Variants in KLF7 observed in about 807,000 individuals in gnomAD.
KLF7 encodes Krueppel-like factor 7.
KLF7 carries 2 observed loss-of-function variants against 27.3 expected under a neutral mutation model. The observed-to-expected ratio is 0.07, with a 90% CI of 0.03 to 0.23. The LOEUF is 0.23. Ranked by LOEUF, KLF7 falls within the 10% of genes least tolerant of loss-of-function variation. The probability of loss-of-function intolerance (pLI) is 1.00; values close to 1 mark genes in which losing one functional copy is unlikely to be tolerated. For missense variants in KLF7, 221 were observed against 394.1 expected (o/e 0.56, Z 3.72); for synonymous variants, 165 against 162.4 (o/e 1.02, Z -0.12).
rs1559161745 is a variant in KLF7 at position 207,148,441 on chromosome 2, G to GCAAGCTTTT, written c.102+17025_102+17026insAAAAGCTTG. Among the ~76,000 whole-genome samples the GCAAGCTTTT allele has an allele frequency of 9.1e-4, 138 of 152,198 alleles. 1 individual carries two copies. Among genetic ancestry groups the GCAAGCTTTT allele is most frequent in the African/African-American group, 3.2e-3 (131 of 41,512 alleles). ...GCCACCATGCGGTACTGCTTCCCAT[G>GCAAGCTTTT]GTCATTCTACATGCAAGCTTTTGCT... On this transcript the variant is annotated intron_variant, in intron 1 of 3. Coordinates refer to ENST00000309446, the MANE Select transcript of KLF7 (RefSeq NM_003709.4).
At chr2:207,157,219 T>TAAAAAAAAA (rs5838052) in intron 1 of KLF7, among the ~76,000 whole-genome samples, 3 of 87,310 alleles carry the variant, frequency 3.4e-5, no homozygotes, top group South Asian at 4.1e-4. Context: ...AACAGAAAAG[T>TAAAAAAAAA]AAAAAAAAAA....
intron 1 of KLF7, among the ~76,000 whole-genome samples, chr2:207,142,293 C>T (rs772626612): frequency 4.6e-5 from 7 of 152,190 alleles, no homozygotes; most frequent in Non-Finnish European, 1.0e-4. Context: ...GGAGAAAAAG[C>T]TCTGCTAAGA....
chr2:207,172,356 C>T, the KLF7 span, among the ~76,000 whole-genome samples: 52 of 152,270 alleles, frequency 3.4e-4, no homozygotes, highest in East Asian at 9.4e-3. Context: ...CACTTCAACA[C>T]GACTGTTCAT....
chr2:207,082,987 C>A (rs551556517), intron 3 of KLF7, among the ~76,000 whole-genome samples: 16 of 152,242 alleles, frequency 1.1e-4, no homozygotes, highest in African/African-American at 3.6e-4. Flanking sequence ...CATAAAAATG[C>A]GAAAAGTACA....
rs1015691241 is a variant in KLF7, at chr2:207,085,164, G to GAAA, written c.857+3291_857+3293dup. 8.1e-3 allele frequency among the ~76,000 whole-genome samples: 187 copies of GAAA among 23,000 alleles called. 34 individuals carry two copies. Among genetic ancestry groups the GAAA allele is most frequent in the Non-Finnish European group, 0.012 (153 of 13,088 alleles). 15.1% of individuals were successfully genotyped at this position (23,000 alleles called of 152,430 possible). On this transcript the variant is annotated intron_variant, in intron 3 of 3. Transcript: ENST00000309446. ...GCAACAAAGCCAGACTGTCTCAAAT[G>GAAA]AAAAAAAAAAAAAAAAAAAAAAAAA... is the stretch of plus-strand genomic sequence containing the variant.
At chr2:207,129,323 T>C (rs1005779429) in intron 1 of KLF7, among the ~76,000 whole-genome samples, 4 of 152,214 alleles carry the variant, frequency 2.6e-5, no homozygotes, top group African/African-American at 4.8e-5. Context: ...GGTACAAGGC[T>C]TCCCTCAGCC....
chr2:207,103,734 T>TC (rs1375601795), intron 2 of KLF7, among the ~76,000 whole-genome samples: 2 of 152,174 alleles, frequency 1.3e-5, no homozygotes, highest in African/African-American at 4.8e-5. Flanking sequence ...TCTTTAAGTC[T>TC]CACTTTCCTC....
At chr2:207,098,309 G>A (rs1450512583) in intron 2 of KLF7, among the ~76,000 whole-genome samples, 2 of 151,904 alleles carry the variant, frequency 1.3e-5, no homozygotes, top group South Asian at 4.2e-4. Context: ...TTAAAAGCTA[G>A]GTATATACTA....
intron 1 of KLF7, among the ~76,000 whole-genome samples, chr2:207,155,478 G>A (rs1431616146): frequency 6.6e-6 from 1 of 152,164 alleles, no homozygotes; most frequent in Non-Finnish European, 1.5e-5. Flanking sequence ...GAAAGAATGT[G>A]CCAATGACAA....
intron 2 of KLF7, among the ~76,000 whole-genome samples, chr2:207,102,366 T>C (rs887236420): frequency 6.6e-6 from 1 of 152,114 alleles, no homozygotes; most frequent in African/African-American, 2.4e-5. Context: ...AAAATGTCAA[T>C]GTAATGTGAC....
chr2:207,099,365 A>ATTT (rs1254600533), intron 2 of KLF7, among the ~76,000 whole-genome samples: 1 of 151,864 alleles, frequency 6.6e-6, no homozygotes, highest in Non-Finnish European at 1.5e-5. Flanking sequence ...AGGGGAGACT[A>ATTT]AACTAGGCCT....
chr2:207,097,643 A>C (rs567883104), intron 2 of KLF7, among the ~76,000 whole-genome samples: 15 of 152,338 alleles, frequency 9.8e-5, no homozygotes, highest in Admixed American at 1.3e-4. Context: ...CTTTTGAGAC[A>C]AAGTGTTAGA....
chr2:207,097,941 C>G (rs1403685463), intron 2 of KLF7, among the ~76,000 whole-genome samples: 1 of 152,048 alleles, frequency 6.6e-6, no homozygotes, highest in Non-Finnish European at 1.5e-5. Flanking sequence ...CCCCACCACC[C>G]CGACACAAGG....
intron 1 of KLF7, among the ~76,000 whole-genome samples, chr2:207,151,490 G>T (rs1358166341): frequency 7.2e-5 from 11 of 152,122 alleles, no homozygotes; most frequent in African/African-American, 2.7e-4. Flanking sequence ...ATAAAAAAGA[G>T]CTCCTGGGTG....
At chr2:207,084,583 T>C (rs532434766) in intron 3 of KLF7, among the ~76,000 whole-genome samples, 3 of 152,308 alleles carry the variant, frequency 2.0e-5, no homozygotes, top group East Asian at 1.9e-4. Flanking sequence ...TCCCTTACTA[T>C]TGAGGTTTTT....
chr2:207,155,041 G>T (rs1416521219), intron 1 of KLF7, among the ~76,000 whole-genome samples: 2 of 152,322 alleles, frequency 1.3e-5, no homozygotes, highest in East Asian at 3.9e-4. Context: ...CAGTATAGAT[G>T]TAACAATTAA....
chr2:207,118,592 C>A (rs1381968813), intron 2 of KLF7, among the ~76,000 whole-genome samples: 2 of 152,200 alleles, frequency 1.3e-5, no homozygotes, highest in African/African-American at 4.8e-5. Context: ...CTGTTTGGTG[C>A]AAATCCTTGC....
At chr2:207,154,940 A>G (rs1431288823) in intron 1 of KLF7, among the ~76,000 whole-genome samples, 2 of 152,188 alleles carry the variant, frequency 1.3e-5, no homozygotes, top group Admixed American at 1.3e-4. Context: ...AAGAAGACAG[A>G]CCAATGAACT....
At chr2:207,155,238 A>C (rs2078350049) in intron 1 of KLF7, among the ~76,000 whole-genome samples, 2 of 152,330 alleles carry the variant, frequency 1.3e-5, no homozygotes, top group South Asian at 2.1e-4. Flanking sequence ...CTCAAATGAG[A>C]TCATCTTTAG....
Sources: allele counts gnomAD v4.1 joint callset (sites outside exome capture counted in the v4.1 genomes callset), GRCh38; gene constraint gnomAD v4.1.1; transcripts MANE v1.5; gene names NCBI Gene and HGNC (gene_info 2026-07-23, HGNC 2026-07-21).